PYHIN1: variants seen among roughly 807,000 people sequenced by gnomAD.
The protein encoded by PYHIN1 is pyrin and HIN domain-containing protein 1.
A neutral mutation model predicts 43.7 loss-of-function variants in PYHIN1; 32 were observed. The observed-to-expected ratio is 0.73, with a 90% CI of 0.55 to 0.98. PYHIN1 has a LOEUF of 0.98. Ranked by LOEUF, PYHIN1 falls within the 50% of genes least tolerant of loss-of-function variation. PYHIN1 has a pLI of 0.00. For synonymous variants in PYHIN1, 205 were observed against 203.1 expected (o/e 1.01, Z -0.08); for missense variants, 588 against 589.5 (o/e 1.00, Z 0.03).
chr1:158,968,322 A>G (rs1200880723), intron 7 of PYHIN1, among the ~76,000 whole-genome samples: 2 of 151,962 alleles, frequency 1.3e-5, no homozygotes, highest in Non-Finnish European at 2.9e-5. Context: ...AAACATACAC[A>G]TGGCCAACAA....
intron 7 of PYHIN1, among the ~76,000 whole-genome samples, chr1:158,961,847 CAA>C (rs1429870246): frequency 6.6e-6 from 1 of 152,116 alleles, no homozygotes; most frequent in Non-Finnish European, 1.5e-5. Context: ...GCAGCTCTGG[CAA>C]TAGGGGAGGT....
At chr1:158,988,107 G>T in the PYHIN1 span, among the ~76,000 whole-genome samples, 1 of 152,170 alleles carries the variant, frequency 6.6e-6, no homozygotes, top group Non-Finnish European at 1.5e-5. Context: ...GCTCATGCTT[G>T]ATCTTGGACT....
intron 4 of PYHIN1, chr1:158,939,992 G>A (rs1362654219): frequency 1.3e-5 from 2 of 155,760 alleles, no homozygotes; most frequent in Non-Finnish European, 2.8e-5. Context: ...GGGAGGCCGA[G>A]GCAGGTGGAT....
intron 7 of PYHIN1, among the ~76,000 whole-genome samples, chr1:158,953,750 A>G (rs1649737560): frequency 6.6e-6 from 1 of 152,262 alleles, no homozygotes; most frequent in South Asian, 2.1e-4. Context: ...AGCTGGATGG[A>G]GAATGACTTT....
Position 158,976,819 on chromosome 1 carries a change from A to G in PYHIN1, c.*124A>G, listed in dbSNP as rs540088810. The G allele has an allele frequency of 2.5e-6, 2 of 788,190 alleles. No homozygotes were observed. Among genetic ancestry groups the G allele is most frequent in the Middle Eastern group, 2.4e-4 (1 of 4,238 alleles). 48.8% of individuals were successfully genotyped at this position (788,190 alleles called of 1,614,324 possible). ...CATTGGTAATGATGTTTATGAAGAT[A>G]AGATCAAAGCACAGAAAATAATATA... is the stretch of plus-strand genomic sequence containing the variant. On this transcript the variant is annotated 3_prime_UTR_variant, in exon 9 of 9. Coordinates refer to ENST00000368140, the MANE Select transcript of PYHIN1 (RefSeq NM_152501.5).
At chr1:158,945,161 A>T (rs1482560838) in intron 7 of PYHIN1, 119 bp downstream of exon 7, 2 of 1,028,358 alleles carry the variant, frequency 1.9e-6, no homozygotes, top group African/African-American at 3.2e-5. Flanking sequence ...GATAAAATTA[A>T]ATCACCCATG....
chr1:158,988,126 C>G, the PYHIN1 span, among the ~76,000 whole-genome samples: 1 of 152,158 alleles, frequency 6.6e-6, no homozygotes, highest in Non-Finnish European at 1.5e-5. Context: ...CTTATAGCCT[C>G]CAGAACTGTG....
chr1:158,971,425 G>GAT (rs57225452), intron 7 of PYHIN1, among the ~76,000 whole-genome samples: 12,158 of 149,802 alleles, frequency 0.081, 597 homozygotes, highest in African/African-American at 0.12. Context: ...ACATTAACAA[G>GAT]ATATATATAT....
intron 7 of PYHIN1, among the ~76,000 whole-genome samples, chr1:158,965,688 A>T (rs1315034809): frequency 4.6e-5 from 7 of 152,192 alleles, no homozygotes; most frequent in Admixed American, 4.6e-4. Context: ...CTTTGAAACT[A>T]ATGAGAACAA....
chr1:158,979,281 C>T (rs182892678), downstream of PYHIN1, among the ~76,000 whole-genome samples: 2 of 152,228 alleles, frequency 1.3e-5, no homozygotes, highest in East Asian at 3.9e-4. Context: ...AAGTTGTATA[C>T]CCATCGAATA....
At chr1:158,942,438 A>C in intron 5 of PYHIN1, 39 bp downstream of exon 5, 1 of 1,480,300 alleles carries the variant, frequency 6.8e-7, no homozygotes, top group Non-Finnish European at 9.1e-7. Flanking sequence ...TTTCTACAAT[A>C]ACACTTGAAA....
chr1:158,959,382 G>GC (rs1553199081), intron 7 of PYHIN1, among the ~76,000 whole-genome samples: 1 of 150,900 alleles, frequency 6.6e-6, no homozygotes, highest in Non-Finnish European at 1.5e-5. Flanking sequence ...TAATTTGGTT[G>GC]CCGACCGGAC....
intron 7 of PYHIN1, among the ~76,000 whole-genome samples, chr1:158,968,906 T>G (rs528038868): frequency 6.6e-6 from 1 of 151,136 alleles, no homozygotes; most frequent in Non-Finnish European, 1.5e-5. Context: ...AGATGGAGGA[T>G]GGGAAGAGGG....
At chr1:158,962,026 C>T (rs1470268517) in intron 7 of PYHIN1, among the ~76,000 whole-genome samples, 1 of 152,216 alleles carries the variant, frequency 6.6e-6, no homozygotes, top group East Asian at 1.9e-4. Context: ...CTGCACTTCC[C>T]TGGGTTGGAG....
chr1:158,990,323 G>A, the PYHIN1 span, among the ~76,000 whole-genome samples: 3 of 151,896 alleles, frequency 2.0e-5, no homozygotes, highest in Non-Finnish European at 4.4e-5. Flanking sequence ...GAGATGGTGA[G>A]TTCTCTGTTG....
chr1:158,935,205 A>C (rs548292738), intron 1 of PYHIN1, among the ~76,000 whole-genome samples: 1 of 152,102 alleles, frequency 6.6e-6, no homozygotes, highest in Non-Finnish European at 1.5e-5. Flanking sequence ...CTTTCCAGGC[A>C]ATGAGAAGAG....
chr1:158,985,050 T>C, the PYHIN1 span, among the ~76,000 whole-genome samples: 1 of 152,198 alleles, frequency 6.6e-6, no homozygotes, highest in Non-Finnish European at 1.5e-5. Context: ...CCTGTGTCTT[T>C]ACATGTAAGG....
chr1:158,954,800 G>T (rs77862112), intron 7 of PYHIN1, among the ~76,000 whole-genome samples: 1,748 of 151,230 alleles, frequency 0.012, 14 homozygotes, highest in Non-Finnish European at 0.019. Context: ...AAAAGACACA[G>T]ACTGGCAAAT....
At chr1:158,969,175 C>T (rs1334534381) in intron 7 of PYHIN1, among the ~76,000 whole-genome samples, 8 of 151,944 alleles carry the variant, frequency 5.3e-5, no homozygotes, top group African/African-American at 1.9e-4. Flanking sequence ...GTTAAAATTT[C>T]TGAAATATTT....
Sources: allele counts gnomAD v4.1 joint callset (sites outside exome capture counted in the v4.1 genomes callset), GRCh38; gene constraint gnomAD v4.1.1; transcripts MANE v1.5; gene names NCBI Gene and HGNC (gene_info 2026-07-23, HGNC 2026-07-21).